WWOX: variants seen among roughly 807,000 people sequenced by gnomAD.
WWOX encodes the protein WW domain-containing oxidoreductase.
A neutral mutation model predicts 46.2 loss-of-function variants in WWOX; 69 were observed. That is an observed-to-expected ratio of 1.49 (90% confidence interval 1.23 to 1.82). The LOEUF is 1.82. WWOX is among the 40% of genes most tolerant of loss of function. The pLI is 0.00. For synonymous variants in WWOX, 359 were observed against 202.6 expected (o/e 1.77, Z -6.56); for missense variants, 919 against 542.6 (o/e 1.69, Z -6.89).
intron 8 of WWOX, among the ~76,000 whole-genome samples, chr16:79,068,682 A>T (rs1034546824): frequency 6.6e-6 from 1 of 151,768 alleles, no homozygotes; most frequent in Non-Finnish European, 1.5e-5. Context: ...GTGGGGGTGC[A>T]TGCCTGTGCT....
chr16:79,202,379 G>C (rs2051372789), intron 8 of WWOX, among the ~76,000 whole-genome samples: 1 of 152,120 alleles, frequency 6.6e-6, no homozygotes, highest in Non-Finnish European at 1.5e-5. Context: ...ACACGGTAAA[G>C]GAACAACAAA....
At chr16:78,943,667 G>T (rs1378656734) in intron 8 of WWOX, among the ~76,000 whole-genome samples, 1 of 152,200 alleles carries the variant, frequency 6.6e-6, no homozygotes, top group Non-Finnish European at 1.5e-5. Context: ...CCAGAAGAGT[G>T]TAGGACACTG....
chr16:78,946,113 C>G (rs2045943608), intron 8 of WWOX, among the ~76,000 whole-genome samples: 1 of 152,166 alleles, frequency 6.6e-6, no homozygotes, highest in Non-Finnish European at 1.5e-5. Context: ...GGAAATTCCT[C>G]CAGTTAATTT....
intron 8 of WWOX, among the ~76,000 whole-genome samples, chr16:79,081,138 C>T (rs1193118045): frequency 6.6e-6 from 1 of 152,036 alleles, no homozygotes; most frequent in Non-Finnish European, 1.5e-5. Flanking sequence ...AAATCGAGAT[C>T]CAGTGGAGTG....
chr16:78,941,007 A>G (rs924621373), intron 8 of WWOX, among the ~76,000 whole-genome samples: 1 of 151,616 alleles, frequency 6.6e-6, no homozygotes, highest in African/African-American at 2.4e-5. Context: ...GTTGGGATGT[A>G]TATATCACTT....
intron 8 of WWOX, among the ~76,000 whole-genome samples, chr16:79,076,809 T>C (rs2048665996): frequency 1.3e-5 from 2 of 152,250 alleles, no homozygotes; most frequent in South Asian, 4.1e-4. Context: ...AGGGTTATAA[T>C]GAAGATGAAA....
chr16:78,629,389 C>G (rs923172610), intron 8 of WWOX, among the ~76,000 whole-genome samples: 2 of 152,168 alleles, frequency 1.3e-5, no homozygotes, highest in East Asian at 1.9e-4. Flanking sequence ...AGTAAGATTT[C>G]TCACTGGCAT....
At chr16:78,238,557 T>G (rs1187469696) in intron 5 of WWOX, among the ~76,000 whole-genome samples, 1 of 152,150 alleles carries the variant, frequency 6.6e-6, no homozygotes, top group Non-Finnish European at 1.5e-5. Context: ...ATGTCATTGT[T>G]ATAGGATGTT....
chr16:78,473,383 G>A (rs539941817), intron 8 of WWOX, among the ~76,000 whole-genome samples: 1 of 152,072 alleles, frequency 6.6e-6, no homozygotes, highest in Non-Finnish European at 1.5e-5. Context: ...ACCCACCTCA[G>A]CCTCCCAAAG....
chr16:78,958,722 C>G (rs2046217476), intron 8 of WWOX, among the ~76,000 whole-genome samples: 1 of 152,132 alleles, frequency 6.6e-6, no homozygotes, highest in African/African-American at 2.4e-5. Context: ...CAGGTATCAC[C>G]AGGATGCAAT....
intron 6 of WWOX, among the ~76,000 whole-genome samples, chr16:78,411,615 G>A (rs1307007458): frequency 6.6e-6 from 1 of 152,140 alleles, no homozygotes; most frequent in Non-Finnish European, 1.5e-5. Context: ...AGACATTTAG[G>A]AACCATTAAA....
At chr16:78,540,408 C>G (rs1037397529) in intron 8 of WWOX, among the ~76,000 whole-genome samples, 2 of 152,076 alleles carry the variant, frequency 1.3e-5, no homozygotes, top group East Asian at 1.9e-4. Flanking sequence ...GTGTGGTAGT[C>G]CAGCACATTT....
At chr16:79,130,858 G>T (rs35275543) in intron 8 of WWOX, among the ~76,000 whole-genome samples, 2 of 152,116 alleles carry the variant, frequency 1.3e-5, no homozygotes, top group Non-Finnish European at 2.9e-5. Flanking sequence ...GAGCTACTGC[G>T]GGTGTGTGAG....
At chr16:79,109,776 C>A (rs753648877) in intron 8 of WWOX, among the ~76,000 whole-genome samples, 4 of 152,168 alleles carry the variant, frequency 2.6e-5, no homozygotes, top group Non-Finnish European at 4.4e-5. Context: ...CATCAGATAA[C>A]TAGGAAGAAA....
intron 5 of WWOX, among the ~76,000 whole-genome samples, chr16:78,379,746 T>C (rs1402606962): frequency 6.6e-6 from 1 of 152,208 alleles, no homozygotes; most frequent in Non-Finnish European, 1.5e-5. Context: ...AGCTAATTCC[T>C]AGGCAATCTG....
At chr16:78,606,413 G>A (rs1203304727) in intron 8 of WWOX, among the ~76,000 whole-genome samples, 2 of 151,846 alleles carry the variant, frequency 1.3e-5, no homozygotes, top group East Asian at 3.9e-4. Context: ...TTAGAATGTG[G>A]GCTACATGCT....
intron 8 of WWOX, among the ~76,000 whole-genome samples, chr16:78,864,456 G>A (rs1164646726): frequency 2.0e-5 from 3 of 151,722 alleles, no homozygotes; most frequent in African/African-American, 7.3e-5. Flanking sequence ...TTTTGTAGAG[G>A]CAAGGTTTCT....
intron 8 of WWOX, among the ~76,000 whole-genome samples, chr16:79,075,425 C>T (rs994270540): frequency 1.9e-4 from 29 of 152,168 alleles, no homozygotes; most frequent in Non-Finnish European, 1.5e-4. Flanking sequence ...TTCCCCTATA[C>T]CTAAGTTTTT....
chr16:78,755,243 A>T (rs1388729537), intron 8 of WWOX, among the ~76,000 whole-genome samples: 1 of 152,074 alleles, frequency 6.6e-6, no homozygotes, highest in Admixed American at 6.6e-5. Context: ...TCAAAAAAAA[A>T]AAAAGAAAAA....
Sources: allele counts gnomAD v4.1 joint callset (sites outside exome capture counted in the v4.1 genomes callset), GRCh38; gene constraint gnomAD v4.1.1; transcripts MANE v1.5; gene names NCBI Gene and HGNC (gene_info 2026-07-23, HGNC 2026-07-21).